CPNE8: variants seen among roughly 807,000 people sequenced by gnomAD.
CPNE8 encodes the protein copine-8.
A neutral mutation model predicts 81.5 loss-of-function variants in CPNE8; 45 were observed. The ratio of observed to expected loss-of-function variants is 0.55; its 90% CI spans 0.44 to 0.71. CPNE8 has a LOEUF of 0.71. Ranked by LOEUF, CPNE8 falls within the 30% of genes least tolerant of loss-of-function variation. CPNE8 has a pLI of 0.00. For synonymous variants in CPNE8, 252 were observed against 226.3 expected (o/e 1.11, Z -1.02); for missense variants, 594 against 672.1 (o/e 0.88, Z 1.28).
At chr12:38,679,993 C>T (rs1592005391) in intron 16 of CPNE8, among the ~76,000 whole-genome samples, 1 of 151,688 alleles carries the variant, frequency 6.6e-6, no homozygotes, top group African/African-American at 2.4e-5. Context: ...GATGGGGAAT[C>T]CTTTTATAAA....
intron 19 of CPNE8, among the ~76,000 whole-genome samples, chr12:38,667,781 A>G (rs1939089875): frequency 6.6e-6 from 1 of 151,746 alleles, no homozygotes; most frequent in African/African-American, 2.4e-5. Context: ...GGCTGCTCTC[A>G]AGGATTCTGA....
At chr12:38,822,498 T>C (rs1014139463) in intron 6 of CPNE8, among the ~76,000 whole-genome samples, 1 of 152,178 alleles carries the variant, frequency 6.6e-6, no homozygotes, top group Non-Finnish European at 1.5e-5. Flanking sequence ...AATGAGTGTT[T>C]ATTAAATTCT....
chr12:38,744,477 A>C (rs1007771478), intron 10 of CPNE8, among the ~76,000 whole-genome samples: 1 of 152,198 alleles, frequency 6.6e-6, no homozygotes, highest in Admixed American at 6.6e-5. Context: ...CCCATCAATA[A>C]TACTATATAT....
intron 6 of CPNE8, among the ~76,000 whole-genome samples, chr12:38,795,435 G>C (rs1484417504): frequency 6.6e-6 from 1 of 152,096 alleles, no homozygotes; most frequent in Admixed American, 6.6e-5. Flanking sequence ...TATGTTAATA[G>C]CGGCACTATT....
At position 38,715,518 on chromosome 12, in the gene CPNE8, C is replaced by G. The variant is rs78014841; in HGVS notation, c.914+8254G>C. ...ACGCAATTCAATAAATGTGATACAT[C>G]ACATAAACAGAATTTAGAAAAACAT... On this transcript the variant is annotated intron_variant, in intron 13 of 19. Coordinates refer to ENST00000331366, the MANE Select transcript of CPNE8 (RefSeq NM_153634.3). Among the ~76,000 whole-genome samples the G allele has an allele frequency of 5.6e-3, 853 of 152,128 alleles. 3 individuals are homozygous for G. Among genetic ancestry groups the G allele is most frequent in the African/African-American group, 0.019 (800 of 41,548 alleles).
At chr12:38,682,965 AG>A (rs1247984819) in intron 16 of CPNE8, among the ~76,000 whole-genome samples, 2 of 152,180 alleles carry the variant, frequency 1.3e-5, no homozygotes, top group Non-Finnish European at 2.9e-5. Flanking sequence ...GCTGTTCCCC[AG>A]AGAGCACTGG....
intron 10 of CPNE8, among the ~76,000 whole-genome samples, chr12:38,754,304 G>C (rs1050569818): frequency 2.6e-5 from 4 of 152,082 alleles, no homozygotes; most frequent in Admixed American, 6.6e-5. Context: ...CTAGTAAAGG[G>C]CTGGTGTTGA....
At chr12:38,684,263 T>C (rs1249714096) in intron 16 of CPNE8, among the ~76,000 whole-genome samples, 1 of 152,114 alleles carries the variant, frequency 6.6e-6, no homozygotes, top group East Asian at 1.9e-4. Flanking sequence ...TAATGACCCA[T>C]TAATGGATTG....
chr12:38,817,266 A>C (rs2136999270), intron 6 of CPNE8, among the ~76,000 whole-genome samples: 1 of 152,340 alleles, frequency 6.6e-6, no homozygotes, highest in East Asian at 1.9e-4. Context: ...TTTCCAAATA[A>C]GGGGAAAAAA....
intron 10 of CPNE8, among the ~76,000 whole-genome samples, chr12:38,731,937 T>G (rs1385051518): frequency 6.6e-6 from 1 of 151,912 alleles, no homozygotes; most frequent in South Asian, 2.1e-4. Context: ...TATGAAGGTT[T>G]TTTTTTAGAA....
At chr12:38,895,427 C>T (rs976335001) in intron 1 of CPNE8, among the ~76,000 whole-genome samples, 1 of 151,960 alleles carries the variant, frequency 6.6e-6, no homozygotes, top group Non-Finnish European at 1.5e-5. Context: ...TTTCATTTGC[C>T]CAGACTATCA....
At chr12:38,668,046 G>A (rs556709170) in intron 19 of CPNE8, among the ~76,000 whole-genome samples, 16 of 152,184 alleles carry the variant, frequency 1.1e-4, no homozygotes, top group African/African-American at 3.4e-4. Flanking sequence ...TGATCCTCCC[G>A]CCCTGGCCTC....
At chr12:38,676,399 G>T in intron 17 of CPNE8, 1 of 639,246 alleles carries the variant, frequency 1.6e-6, no homozygotes, top group Non-Finnish European at 1.9e-6. Context: ...ACCTTTCTAA[G>T]CTGACTTTGG....
At chr12:38,746,202 C>G (rs1326226998) in intron 10 of CPNE8, among the ~76,000 whole-genome samples, 1 of 151,650 alleles carries the variant, frequency 6.6e-6, no homozygotes, top group Non-Finnish European at 1.5e-5. Context: ...AAAAAAAAAC[C>G]CTTTTGAACA....
chr12:38,739,207 C>T (rs1390647076), intron 10 of CPNE8, among the ~76,000 whole-genome samples: 1 of 152,078 alleles, frequency 6.6e-6, no homozygotes, highest in East Asian at 1.9e-4. Flanking sequence ...AAGAGTGTTA[C>T]TTTATGAAAA....
At chr12:38,702,943 C>T (rs377245797) in intron 13 of CPNE8, 22 bp from the exon 14 acceptor site, 21 of 1,508,084 alleles carry the variant, frequency 1.4e-5, no homozygotes, top group African/African-American at 1.1e-4. Context: ...GTAAACAAGA[C>T]TCATTAATAA....
At chr12:38,777,648 A>T (rs1941963506) in intron 6 of CPNE8, among the ~76,000 whole-genome samples, 1 of 152,134 alleles carries the variant, frequency 6.6e-6, no homozygotes, top group Admixed American at 6.6e-5. Context: ...TTATATGTTT[A>T]CTTATGTTTA....
chr12:38,683,017 T>C (rs1321719711), intron 16 of CPNE8, among the ~76,000 whole-genome samples: 1 of 152,176 alleles, frequency 6.6e-6, no homozygotes, highest in Non-Finnish European at 1.5e-5. Context: ...AAGCAGGGGC[T>C]GGAAAGCCTC....
intron 6 of CPNE8, among the ~76,000 whole-genome samples, chr12:38,789,666 G>C (rs1439435563): frequency 6.6e-6 from 1 of 151,422 alleles, no homozygotes; most frequent in Non-Finnish European, 1.5e-5. Flanking sequence ...ACAACCCACA[G>C]AATAAGAGAA....
Sources: gnomAD v4.1 joint callset for allele counts (sites outside exome capture counted in the v4.1 genomes callset) on GRCh38, gnomAD v4.1.1 for gene constraint, MANE v1.5 for transcripts, NCBI Gene and HGNC (gene_info 2026-07-23, HGNC 2026-07-21) for gene names.